DTNA: variants seen among roughly 807,000 people sequenced by gnomAD.
DTNA encodes dystrophin-related protein 3.
A neutral mutation model predicts 100.7 loss-of-function variants in DTNA; 43 were observed. That is an observed-to-expected ratio of 0.43 (90% CI 0.33 to 0.55). The LOEUF (loss-of-function observed/expected upper bound fraction) is 0.55. DTNA is among the 20% of genes least tolerant of loss of function. The probability of loss-of-function intolerance (pLI) is 0.04; values close to 1 mark genes in which losing one functional copy is unlikely to be tolerated. For missense variants in DTNA, 798 were observed against 953.9 expected, an observed-to-expected ratio of 0.84 and a Z score of 2.15; for synonymous variants, 349 against 347.9, an observed-to-expected ratio of 1.00 and a Z score of -0.04.
Position 34,579,750 on chromosome 18 carries a change from G to A in DTNA, c.-2+86236G>A, listed in dbSNP as rs79248106. The stretch of plus-strand genomic sequence containing the variant: ...TAGTTTAATCACAAAATGCCTCAAC[G>A]TGTTGTTGGTGGTGGTGGAGTTTGT... On this transcript the variant is annotated intron_variant, in intron 1 of 19. Transcript: ENST00000283365. Among the ~76,000 whole-genome samples, 724 of 152,276 alleles carry A rather than the reference G, an allele frequency of 4.8e-3. 15 individuals are homozygous for A. The highest frequency in any genetic ancestry group is 0.039 in the East Asian group (203 of 5,190).
intron 1 of DTNA, among the ~76,000 whole-genome samples, chr18:34,538,075 T>A (rs2043893367): frequency 6.6e-6 from 1 of 152,096 alleles, no homozygotes; most frequent in African/African-American, 2.4e-5. Flanking sequence ...TTTCTCAGTC[T>A]GATTAAGTAG....
At chr18:34,848,404 G>A in intron 14 of DTNA, 21 bp downstream of exon 14, 5 of 1,612,988 alleles carry the variant, frequency 3.1e-6, no homozygotes, top group South Asian at 2.2e-5. Context: ...GGAGTAAAAG[G>A]ATTCGTCTGT....
intron 1 of DTNA, among the ~76,000 whole-genome samples, chr18:34,551,482 A>T (rs966445375): frequency 2.0e-5 from 3 of 151,282 alleles, no homozygotes; most frequent in African/African-American, 7.3e-5. Flanking sequence ...TTTATTGGAT[A>T]TTTTTTTTTG....
chr18:34,869,711 G>A (rs1394518891), intron 17 of DTNA, among the ~76,000 whole-genome samples: 2 of 151,314 alleles, frequency 1.3e-5, no homozygotes, highest in African/African-American at 4.9e-5. Flanking sequence ...TTAGTACAGG[G>A]TGCATATTTT....
intron 1 of DTNA, among the ~76,000 whole-genome samples, chr18:34,632,158 A>G (rs2058154136): frequency 6.6e-6 from 1 of 152,188 alleles, no homozygotes; most frequent in African/African-American, 2.4e-5. Flanking sequence ...ACTTCACAAA[A>G]TGGATTTATA....
In DTNA at chr18:34,889,990, C is replaced by A. The variant is rs889914937; in HGVS notation, c.*2256C>A. 8.5e-7 allele frequency: 1 copy of A among 1,172,092 alleles called. No homozygotes were observed. The highest frequency in any genetic ancestry group is 1.1e-6 in the Non-Finnish European group (1 of 945,692). The allele number at this position is 1,172,092 out of a possible 1,614,324, so 72.6% of individuals were successfully genotyped here. Reference sequence around the variant, plus strand: ...ATTGAAAACCACTACATCCCAGCTACCTATAATGCTGTCAGCTCAAAATCA... The same window carrying A: ...ATTGAAAACCACTACATCCCAGCTAACTATAATGCTGTCAGCTCAAAATCA... On this transcript the variant is annotated 3_prime_UTR_variant, in exon 23 of 23. Coordinates refer to ENST00000444659, the MANE Select transcript of DTNA (RefSeq NM_001386795.1).
chr18:34,579,793 T>C (rs911557452), intron 1 of DTNA, among the ~76,000 whole-genome samples: 2 of 152,190 alleles, frequency 1.3e-5, no homozygotes, highest in African/African-American at 4.8e-5. Context: ...GTTTAGTTGT[T>C]TGTTTTTGAA....
intron 1 of DTNA, among the ~76,000 whole-genome samples, chr18:34,581,441 G>T (rs2048623311): frequency 6.6e-6 from 1 of 151,952 alleles, no homozygotes; most frequent in South Asian, 2.1e-4. Flanking sequence ...AATTTCTTTG[G>T]ATTTCTTTGT....
chr18:34,787,585 C>T (rs1168345953), intron 3 of DTNA, among the ~76,000 whole-genome samples: 7 of 152,208 alleles, frequency 4.6e-5, no homozygotes, highest in Non-Finnish European at 1.0e-4. Context: ...CTAGATATAA[C>T]TAGGTTTGTC....
chr18:34,691,658 C>G lies in DTNA; in HGVS notation c.-1-64318C>G, dbSNP rs553281327. On this transcript the variant is annotated intron_variant, in intron 1 of 19. Coordinates refer to the DTNA transcript ENST00000283365. ...TCTTGGGTCTCACTGCCTACCTTTG[C>G]TTCCCATCAGCTGATCTTTGCTAAT... 6.0e-4 allele frequency among the ~76,000 whole-genome samples: 92 copies of G among 152,312 alleles called. No homozygotes were observed. The South Asian group carries it at 0.017, about 29-fold the overall frequency.
chr18:34,675,623 CTAGT>C (rs2077311636), intron 1 of DTNA, among the ~76,000 whole-genome samples: 2 of 152,068 alleles, frequency 1.3e-5, no homozygotes, highest in Admixed American at 1.3e-4. Context: ...TACATTCTTG[CTAGT>C]TAATCTTGTA....
intron 1 of DTNA, 145 bp downstream of exon 1, chr18:34,710,590 T>A (rs1483480239): frequency 1.3e-5 from 2 of 149,778 alleles, no homozygotes; most frequent in African/African-American, 4.9e-5. Context: ...TCCTAGCTCC[T>A]CCACCTCCGG....
At chr18:34,575,556 A>G (rs1316093066) in intron 1 of DTNA, among the ~76,000 whole-genome samples, 2 of 151,944 alleles carry the variant, frequency 1.3e-5, no homozygotes, top group Non-Finnish European at 2.9e-5. Context: ...CTTTTTTTCT[A>G]TGTAAATTAA....
intron 1 of DTNA, among the ~76,000 whole-genome samples, chr18:34,694,111 T>TG (rs1410997950): frequency 6.6e-6 from 1 of 151,174 alleles, no homozygotes; most frequent in East Asian, 1.9e-4. Context: ...TTGAGTAAGA[T>TG]AAATATACAG....
intron 16 of DTNA, among the ~76,000 whole-genome samples, chr18:34,860,228 T>TG (rs1603275114): frequency 7.6e-6 from 1 of 131,214 alleles, no homozygotes; most frequent in African/African-American, 3.1e-5. Flanking sequence ...TTGTTTTTTT[T>TG]TTTTTTTTTT....
intron 17 of DTNA, chr18:34,866,632 T>C: frequency 9.9e-7 from 1 of 1,011,436 alleles, no homozygotes. Flanking sequence ...AATCAGGCAA[T>C]TAAATCCCTT....
chr18:34,794,282 A>C (rs370070787), intron 4 of DTNA, 32 bp downstream of exon 4: 1 of 1,612,096 alleles, frequency 6.2e-7, no homozygotes, highest in African/African-American at 1.3e-5. Context: ...GTTCCTCTCT[A>C]CATGTTTGGC....
intron 1 of DTNA, among the ~76,000 whole-genome samples, chr18:34,729,817 C>G (rs994304700): frequency 1.1e-4 from 16 of 152,034 alleles, no homozygotes; most frequent in Admixed American, 9.2e-4. Context: ...CATTGTAGAT[C>G]TGGCAGTTCC....
At position 34,574,793 on chromosome 18, in the gene DTNA, A is replaced by G. The variant is rs1009756347; in HGVS notation, c.-2+81279A>G. On this transcript the variant is annotated intron_variant, in intron 1 of 19. Transcript: ENST00000283365. ...ACTACAGGCACAAGCCACTATGCTCAGCTGATTTTTATTTTTATTACTATT... is the reference window on the plus strand; with the variant it reads ...ACTACAGGCACAAGCCACTATGCTCGGCTGATTTTTATTTTTATTACTATT... Among the ~76,000 whole-genome samples the G allele has an allele frequency of 7.9e-5, 12 of 152,200 alleles. No homozygotes were observed. In the East Asian group the frequency reaches 2.3e-3, roughly 29 times the overall value.
Sources: gnomAD v4.1 joint callset for allele counts (sites outside exome capture counted in the v4.1 genomes callset) on GRCh38, gnomAD v4.1.1 for gene constraint, MANE v1.5 for transcripts, NCBI Gene and HGNC (gene_info 2026-07-23, HGNC 2026-07-21) for gene names.